RECK: variants seen among roughly 807,000 people sequenced by gnomAD.
RECK encodes reversion-inducing cysteine-rich protein with Kazal motifs.
In RECK, 69 loss-of-function variants were observed where a neutral mutation model predicts 115.1. The observed-to-expected ratio is 0.60, with a 90% CI of 0.49 to 0.73. The LOEUF is 0.73. Among genes scored for constraint, RECK ranks in the 30% least tolerant of loss-of-function variants. The pLI is 0.00. For missense variants in RECK, 1,047 were observed against 1,203.7 expected (o/e 0.87, Z 1.93); for synonymous variants, 414 against 419.7 (o/e 0.99, Z 0.17).
At chr9:36,103,955 G>T (rs1381740439) in intron 12 of RECK, among the ~76,000 whole-genome samples, 2 of 152,000 alleles carry the variant, frequency 1.3e-5, no homozygotes, top group African/African-American at 4.8e-5. Context: ...ATTACAGCAG[G>T]CAAATATTTG....
intron 7 of RECK, 98 bp from the exon 8 acceptor site, chr9:36,083,267 C>T (rs1214315047): frequency 7.7e-7 from 1 of 1,295,818 alleles, no homozygotes; most frequent in Non-Finnish European, 1.1e-6. Flanking sequence ...TTTTATTTCT[C>T]AAATTTAGAA....
chr9:36,069,695 G>T (rs530731655), intron 6 of RECK, among the ~76,000 whole-genome samples: 1 of 152,194 alleles, frequency 6.6e-6, no homozygotes, highest in Admixed American at 6.5e-5. Context: ...ACACAGGAAG[G>T]ATAGAGTGAG....
At chr9:36,114,968 A>G (rs1824202719) in intron 16 of RECK, among the ~76,000 whole-genome samples, 1 of 152,062 alleles carries the variant, frequency 6.6e-6, no homozygotes, top group African/African-American at 2.4e-5. Flanking sequence ...TTCACTGTAT[A>G]CCATGTTGTA....
Position 36,063,796 on chromosome 9 carries a change from T to C in RECK, c.273T>C (p.Gly91=). 6.2e-7 allele frequency: 1 copy of C among 1,613,906 alleles called. No homozygotes were observed. The highest frequency in any genetic ancestry group is 8.5e-7 in the Non-Finnish European group (1 of 1,179,802). Residue 91 remains glycine, a splice_region_variant and synonymous_variant, in exon 5 of 21, where the codon GGT becomes GGC. Transcript: ENST00000377966. ...IWNCMNSSLP[G]VFKKSDGWVG... ...ACATTTAAACATTTTGTTTTTAAGG[T>C]GTGTTTAAGAAGTCTGATGGCTGGG...
At chr9:36,102,850 G>A (rs552109794) in intron 12 of RECK, among the ~76,000 whole-genome samples, 63 of 150,774 alleles carry the variant, frequency 4.2e-4, no homozygotes, top group African/African-American at 1.5e-3. Flanking sequence ...CAGCTACTCC[G>A]GAGGCCGAGG....
chr9:36,082,152 T>TTCTCTTTCTCTCTC (rs1822729340), intron 7 of RECK, among the ~76,000 whole-genome samples: 1 of 113,650 alleles, frequency 8.8e-6, no homozygotes, highest in Admixed American at 9.3e-5. Context: ...CCTCCCTGCT[T>TTCTCTTTCTCTCTC]TCTCTCTCTC....
chr9:36,044,368 G>C (rs2132550305), intron 1 of RECK, among the ~76,000 whole-genome samples: 1 of 152,192 alleles, frequency 6.6e-6, no homozygotes, highest in East Asian at 1.9e-4. Context: ...AGATCTGGGA[G>C]CTTTTTGGAT....
intron 10 of RECK, among the ~76,000 whole-genome samples, chr9:36,099,789 A>T (rs1437408344): frequency 6.6e-6 from 1 of 152,146 alleles, no homozygotes; most frequent in East Asian, 1.9e-4. Context: ...CCAGCCTAGA[A>T]CAGGCGAAAT....
In RECK at chr9:36,084,048, C is replaced by T. The variant is rs114071348; in HGVS notation, c.637+486C>T. On this transcript the variant is annotated intron_variant, in intron 8 of 20. Coordinates refer to ENST00000377966, the MANE Select transcript of RECK (RefSeq NM_021111.3). The stretch of plus-strand genomic sequence containing the variant: ...TTAAAATTGATTAAGTAAATTACGG[C>T]ATACCTATAGAATAATAACACTTGG... Among the ~76,000 whole-genome samples, 430 of 152,212 alleles carry T rather than the reference C, an allele frequency of 2.8e-3. 3 individuals carry two copies. Among genetic ancestry groups the T allele is most frequent in the African/African-American group, 1.0e-2 (414 of 41,532 alleles).
chr9:36,119,604 C>T (rs1587102874), intron 18 of RECK, among the ~76,000 whole-genome samples: 4 of 152,162 alleles, frequency 2.6e-5, no homozygotes, highest in East Asian at 1.9e-4. Flanking sequence ...TTCCTCCATC[C>T]GTTAATTCAT....
intron 13 of RECK, 88 bp from the exon 14 acceptor site, chr9:36,107,888 A>G (rs1421767548): frequency 2.8e-5 from 26 of 915,664 alleles, no homozygotes; most frequent in Middle Eastern, 4.5e-4. Flanking sequence ...TTTAGTACCT[A>G]TAAGACTTTT....
In RECK at chr9:36,118,879, C is replaced by G. The variant is rs748808508; in HGVS notation, c.2376C>G (p.Val792=). Residue 792 remains valine (V), a synonymous_variant, in exon 18 of 21, where the codon GTC becomes GTG. Transcript: ENST00000377966. ...ATGGGGACTGCCAGGCCGTCGGAGT[C>G]CTCTCAGAGCACAGCTCCGTCGCCG... ...DYYGDCQAVG[V]LSEHSSVAEC... is the part of the protein sequence containing the mutation. 1 of 1,614,000 alleles carries G rather than the reference C, an allele frequency of 6.2e-7. No homozygotes were observed. Among genetic ancestry groups the G allele is most frequent in the Non-Finnish European group, 8.5e-7 (1 of 1,180,028 alleles).
intron 3 of RECK, among the ~76,000 whole-genome samples, chr9:36,059,227 C>T (rs144934001): frequency 0.017 from 2,540 of 151,934 alleles, 55 homozygotes; most frequent in East Asian, 0.061. Flanking sequence ...GAGTCTGAGG[C>T]GGGTGGATTA....
intron 8 of RECK, among the ~76,000 whole-genome samples, chr9:36,084,764 C>T (rs953642922): frequency 6.6e-6 from 1 of 151,780 alleles, no homozygotes; most frequent in African/African-American, 2.4e-5. Context: ...AAGGTAGGCC[C>T]GTCCGAGTTG....
Position 36,087,725 on chromosome 9 carries a change from T to C in RECK, c.669T>C (p.His223=). 6.2e-7 allele frequency: 1 copy of C among 1,614,002 alleles called. No homozygotes were observed. Among genetic ancestry groups the C allele is most frequent in the South Asian group, 1.1e-5 (1 of 91,082 alleles). ...ATTGCTGTGACAGAGCTGAAGACCATGCTTGCCAAAATGCCTGCAAGAGAA... is the reference window on the plus strand; with the variant it reads ...ATTGCTGTGACAGAGCTGAAGACCACGCTTGCCAAAATGCCTGCAAGAGAA... The part of the protein sequence containing the change: ...SLYCCDRAED[H]ACQNACKRIL... Residue 223 remains histidine (H), a synonymous_variant, in exon 9 of 21, where the codon CAT becomes CAC. Transcript: ENST00000377966.
chr9:36,108,090 G>A lies in RECK; in HGVS notation c.1691G>A (p.Gly564Glu), dbSNP rs1168224331. 3.7e-6 allele frequency: 6 copies of A among 1,613,964 alleles called. No individual in the cohort carries two copies. Among genetic ancestry groups the A allele is most frequent in the East Asian group, 2.2e-5 (1 of 44,886 alleles). Reference sequence around the variant, plus strand: ...AAAATCTGTTCATGTGGACAAAGTGGACTCTTAGAAAACTGTATGGAAATG... The same window carrying A: ...AAAATCTGTTCATGTGGACAAAGTGAACTCTTAGAAAACTGTATGGAAATG... ...CYKICSCGQS[G>E]LLENCMEMHC... Residue 564 changes from glycine to glutamate, a missense_variant, in exon 14 of 21, where the codon GGA becomes GAA. Gly to Glu is a moderately conservative substitution (Grantham distance 98, BLOSUM62 -2). Coordinates refer to ENST00000377966, the MANE Select transcript of RECK (RefSeq NM_021111.3).
chr9:36,116,718 A>G (rs1824282135), intron 16 of RECK, among the ~76,000 whole-genome samples: 2 of 152,102 alleles, frequency 1.3e-5, no homozygotes, highest in African/African-American at 2.4e-5. Context: ...GCCTCCAGCT[A>G]GAACACTGCC....
chr9:36,120,083 A>C (rs1824401647), intron 18 of RECK, among the ~76,000 whole-genome samples: 1 of 151,942 alleles, frequency 6.6e-6, no homozygotes, highest in Non-Finnish European at 1.5e-5. Context: ...AAATACAAAA[A>C]AATTAGCCGG....
At position 36,063,808 on chromosome 9, in the gene RECK, G is replaced by A; in HGVS notation, c.285G>A (p.Lys95=). ...MNSSLPGVFK[K]SDGWVGLGCC... ...TTTGTTTTTAAGGTGTGTTTAAGAA[G>A]TCTGATGGCTGGGTTGGCTTAGGCT... The change falls in exon 5 of 21, where the codon AAG becomes AAA. Residue 95 remains lysine (K), a synonymous_variant. Transcript: ENST00000377966. 5 of 1,614,042 alleles carry A rather than the reference G, an allele frequency of 3.1e-6. No homozygotes were observed. Among genetic ancestry groups the A allele is most frequent in the Non-Finnish European group, 4.2e-6 (5 of 1,179,922 alleles).
Sources: gnomAD v4.1 joint callset for allele counts (sites outside exome capture counted in the v4.1 genomes callset) on GRCh38, gnomAD v4.1.1 for gene constraint, MANE v1.5 for transcripts, NCBI Gene and HGNC (gene_info 2026-07-23, HGNC 2026-07-21) for gene names.